The following RFLNA variants were observed in gnomAD, a reference collection of about 807,000 sequenced individuals.
The protein encoded by RFLNA is refilin-A.
In RFLNA, 5 loss-of-function variants were observed where a neutral mutation model predicts 7.8. The ratio of observed to expected loss-of-function variants is 0.64; its 90% CI spans 0.34 to 1.35. The LOEUF is 1.35. RFLNA is among the 40% of genes most tolerant of loss of function. The pLI is 0.04. For missense variants in RFLNA, 278 were observed against 305.5 expected (o/e 0.91, Z 0.67); for synonymous variants, 141 against 131.3 (o/e 1.07, Z -0.50).
intron 1 of RFLNA, among the ~76,000 whole-genome samples, chr12:124,310,621 T>G (rs2034227432): frequency 1.4e-4 from 18 of 126,884 alleles, no homozygotes; most frequent in African/African-American, 2.2e-4. Context: ...AGGAGCAGGA[T>G]GGGGTGGGGG....
intron 1 of RFLNA, among the ~76,000 whole-genome samples, chr12:124,305,718 C>T (rs1214973785): frequency 6.6e-6 from 1 of 152,226 alleles, no homozygotes; most frequent in Non-Finnish European, 1.5e-5. Context: ...TCAGGCCCAC[C>T]TGGATGACCC....
rs2034338335 is a variant in RFLNA, at chr12:124,315,651, G to GAGCCCACAGCCTGGGGC, written c.*1131_*1132insACAGCCTGGGGCAGCCC. ...AGCCAGGATGCACGGGGAGCTGGGG[G>GAGCCCACAGCCTGGGGC]AGCCCCCAGCCTGGGGCAGCCCAGC... is the stretch of plus-strand genomic sequence containing the variant. On this transcript the variant is annotated 3_prime_UTR_variant, in exon 3 of 3. Coordinates refer to ENST00000546355, the MANE Select transcript of RFLNA (RefSeq NM_001365156.1). 6.6e-6 allele frequency: 1 copy of GAGCCCACAGCCTGGGGC among 152,384 alleles called. No homozygotes were observed. Among genetic ancestry groups the GAGCCCACAGCCTGGGGC allele is most frequent in the South Asian group, 2.1e-4 (1 of 4,830 alleles). 9.4% of individuals were successfully genotyped at this position (152,384 alleles called of 1,614,324 possible).
Position 124,306,242 on chromosome 12 carries a change from C to A in RFLNA, c.208-5576C>A, listed in dbSNP as rs538205047. On this transcript the variant is annotated intron_variant, in intron 1 of 2. Transcript: ENST00000546355. The surrounding 1 kb of genome is among the most constrained non-coding windows in gnomAD (Gnocchi z 5.2). ...GCTGCTTCTCTGGGGGTGACAGACA[C>A]GCAAAGGGGTTATCGCGATGAAGGC... 6.6e-6 allele frequency among the ~76,000 whole-genome samples: 1 copy of A among 152,126 alleles called. No homozygotes were observed. The highest frequency in any genetic ancestry group is 1.5e-5 in the Non-Finnish European group (1 of 68,024).
Position 124,306,372 on chromosome 12 carries a change from G to A in RFLNA, c.208-5446G>A, listed in dbSNP as rs553914088. Among the ~76,000 whole-genome samples the A allele has an allele frequency of 2.0e-5, 3 of 152,312 alleles. No homozygotes were observed. The South Asian group carries it at 6.2e-4, about 32-fold the overall frequency. On this transcript the variant is annotated intron_variant, in intron 1 of 2. Coordinates refer to ENST00000546355, the MANE Select transcript of RFLNA (RefSeq NM_001365156.1). This position sits in a 1 kb window ranked among gnomAD's most constrained non-coding sequence, Gnocchi z 5.2. The stretch of plus-strand genomic sequence containing the variant: ...CAAGCGAGAAGCAGCCAGTGCAGCA[G>A]GGAACAGCGGGAACACCGAGGCAGC...
At chr12:124,302,391 C>A (rs1290749573) in intron 1 of RFLNA, among the ~76,000 whole-genome samples, 1 of 152,096 alleles carries the variant, frequency 6.6e-6, no homozygotes, top group South Asian at 2.1e-4. Context: ...ATCCTGGGCT[C>A]GTGGGTTCCT....
Position 124,297,917 on chromosome 12 carries a change from C to T in RFLNA, c.207+2281C>T, listed in dbSNP as rs11057571. On this transcript the variant is annotated intron_variant, in intron 1 of 2. Coordinates refer to ENST00000546355, the MANE Select transcript of RFLNA (RefSeq NM_001365156.1). ...TGTTTAACCGCACCCTGCTCACTGA[C>T]GACTCAGGGAGAGTGCTTTTTAGGT... 3.3e-3 allele frequency among the ~76,000 whole-genome samples: 497 copies of T among 151,634 alleles called. 5 individuals are homozygous for T. Among genetic ancestry groups the T allele is most frequent in the African/African-American group, 0.011 (476 of 41,456 alleles).
intron 1 of RFLNA, among the ~76,000 whole-genome samples, chr12:124,307,417 C>T (rs1348175359): frequency 2.0e-5 from 3 of 152,206 alleles, no homozygotes; most frequent in Non-Finnish European, 4.4e-5. Flanking sequence ...GCAGCCTGCT[C>T]TCCCAGCTGG....
upstream of RFLNA, among the ~76,000 whole-genome samples, chr12:124,292,326 AC>A (rs1171240411): frequency 2.0e-5 from 3 of 151,178 alleles, no homozygotes; most frequent in African/African-American, 7.3e-5. Flanking sequence ...ATCTTGAAAG[AC>A]CCCCTTTTCT....
At chr12:124,299,632 A>C (rs1419509117) in intron 1 of RFLNA, among the ~76,000 whole-genome samples, 1 of 152,226 alleles carries the variant, frequency 6.6e-6, no homozygotes, top group African/African-American at 2.4e-5. Flanking sequence ...GAGTTACTTC[A>C]CTTAGAATAA....
In RFLNA at chr12:124,299,468, C is replaced by T. The variant is rs571792235; in HGVS notation, c.207+3832C>T. Among the ~76,000 whole-genome samples, 8 of 152,362 alleles carry T rather than the reference C, an allele frequency of 5.3e-5. No individual in the cohort carries two copies. The East Asian group carries it at 1.2e-3, about 22-fold the overall frequency. On this transcript the variant is annotated intron_variant, in intron 1 of 2. Coordinates refer to ENST00000546355, the MANE Select transcript of RFLNA (RefSeq NM_001365156.1). ...GTGCACCCACCACCCAAGCAGTACA[C>T]ACTGAACCCAATTTGTCATCTCTTA... is the stretch of plus-strand genomic sequence containing the variant.
upstream of RFLNA, among the ~76,000 whole-genome samples, chr12:124,294,069 C>T (rs748333081): frequency 6.6e-6 from 1 of 152,206 alleles, no homozygotes; most frequent in South Asian, 2.1e-4. Flanking sequence ...TACGCCTGCC[C>T]GTTCTGAGGT....
Position 124,311,720 on chromosome 12 carries a change from G to C in RFLNA, c.208-98G>C, listed in dbSNP as rs529465796. 1.0e-5 allele frequency: 12 copies of C among 1,180,944 alleles called. No individual in the cohort carries two copies. In the South Asian group the frequency reaches 2.2e-4, roughly 22 times the overall value. 73.2% of individuals were successfully genotyped at this position (1,180,944 alleles called of 1,614,324 possible). ...ACCAAGCAGCTTCCAGACCAAGCCA[G>C]GGCCAGAGGGTGTCAGGTGGTCCTG... is the stretch of plus-strand genomic sequence containing the variant. On this transcript the variant is annotated intron_variant, in intron 1 of 2. Coordinates refer to ENST00000546355, the MANE Select transcript of RFLNA (RefSeq NM_001365156.1).
intron 1 of RFLNA, among the ~76,000 whole-genome samples, chr12:124,308,700 C>T (rs1722417291): frequency 6.6e-6 from 1 of 152,266 alleles, no homozygotes; most frequent in Non-Finnish European, 1.5e-5. Context: ...CAGGGGCAAA[C>T]CCGGGACCTG....
At chr12:124,308,563 C>G (rs1419193058) in intron 1 of RFLNA, among the ~76,000 whole-genome samples, 2 of 152,272 alleles carry the variant, frequency 1.3e-5, no homozygotes, top group Admixed American at 6.5e-5. Flanking sequence ...CTTGGCCACA[C>G]TGGGCCATGC....
upstream of RFLNA, among the ~76,000 whole-genome samples, chr12:124,294,377 G>T (rs768112324): frequency 1.1e-4 from 16 of 152,214 alleles, no homozygotes; most frequent in Admixed American, 6.5e-4. Context: ...GGAGTGGGGT[G>T]GGGGGCGTCT....
At position 124,295,390 on chromosome 12, in the gene RFLNA, C is replaced by T; in HGVS notation, c.-40C>T. 8.5e-7 allele frequency: 1 copy of T among 1,172,050 alleles called. No individual in the cohort carries two copies. Among genetic ancestry groups the T allele is most frequent in the East Asian group, 3.2e-5 (1 of 31,048 alleles). The allele number at this position is 1,172,050 out of a possible 1,614,324, so 72.6% of individuals were successfully genotyped here. A position where few individuals can be genotyped will look rare whatever the true frequency, so the allele number is the denominator to read the frequency against. Reference sequence around the variant, plus strand: ...GGCCCCGGAGCGCGGTGGAGAAGCCCCCGGAGGAGCGGGGGGCCCGCGCCC... The same window carrying T: ...GGCCCCGGAGCGCGGTGGAGAAGCCTCCGGAGGAGCGGGGGGCCCGCGCCC... On this transcript the variant is annotated 5_prime_UTR_variant, in exon 1 of 3. Transcript: ENST00000546355.
intron 2 of RFLNA, 43 bp downstream of exon 2, chr12:124,311,970 G>T (rs763429949): frequency 2.0e-6 from 3 of 1,464,528 alleles, no homozygotes; most frequent in South Asian, 2.6e-5. Flanking sequence ...GGGGGTGGGG[G>T]GTTGGGTGCT....
rs974177929 is a variant in RFLNA, at chr12:124,314,634, G to A, written c.*109G>A. 2.6e-6 allele frequency: 4 copies of A among 1,512,918 alleles called. No individual in the cohort carries two copies. The highest frequency in any genetic ancestry group is 3.6e-6 in the Non-Finnish European group (4 of 1,126,634). 93.7% of individuals were successfully genotyped at this position (1,512,918 alleles called of 1,614,324 possible). On this transcript the variant is annotated 3_prime_UTR_variant, in exon 3 of 3. Transcript: ENST00000546355. ...GGCACTCGGGCAGGAGGCGGGAAGG[G>A]AGGCTGCCAGACCAAGGACCCGTGT...
At chr12:124,290,672 CAGAG>C (rs1244327420), upstream of RFLNA, among the ~76,000 whole-genome samples, 1 of 152,150 alleles carries the variant, frequency 6.6e-6, no homozygotes, top group African/African-American at 2.4e-5. This position sits in a 1 kb window ranked among gnomAD's most constrained non-coding sequence, Gnocchi z 4.0. Flanking sequence ...TGATTTCACA[CAGAG>C]AGGCATGAGG....
Sources: gnomAD v4.1 joint callset for allele counts (sites outside exome capture counted in the v4.1 genomes callset) on GRCh38, gnomAD v4.1.1 for gene constraint, Gnocchi (gnomAD v3.1) non-coding constraint, MANE v1.5 for transcripts, NCBI Gene and HGNC (gene_info 2026-07-23, HGNC 2026-07-21) for gene names.